Variants in SCNN1G observed in about 807,000 individuals in gnomAD.
SCNN1G encodes the protein epithelial sodium channel subunit gamma.
Under a neutral mutation model 64.6 loss-of-function variants are expected in SCNN1G, and 27 were observed. The ratio of observed to expected loss-of-function variants is 0.42; its 90% confidence interval spans 0.31 to 0.58. SCNN1G has a LOEUF of 0.58. SCNN1G is among the 20% of genes least tolerant of loss of function. The pLI is 0.18. For missense variants in SCNN1G, 743 were observed against 823.4 expected, an observed-to-expected ratio of 0.90 and a Z score of 1.19; for synonymous variants, 330 against 314.2, an observed-to-expected ratio of 1.05 and a Z score of -0.53.
chr16:23,194,134 G>T, intron 4 of SCNN1G, 37 bp from the exon 5 acceptor site: 1 of 1,407,664 alleles, frequency 7.1e-7, no homozygotes, highest in South Asian at 1.1e-5. Flanking sequence ...AGATGCATGG[G>T]GGAGATCCCT....
intron 6 of SCNN1G, among the ~76,000 whole-genome samples, chr16:23,209,349 A>G (rs1960041913): frequency 6.6e-6 from 1 of 152,192 alleles, no homozygotes; most frequent in Admixed American, 6.5e-5. Flanking sequence ...CTAAGCCAAC[A>G]GGTCCCTTTT....
At chr16:23,189,782 C>A in intron 3 of SCNN1G, 111 bp downstream of exon 3, 1 of 1,068,550 alleles carries the variant, frequency 9.4e-7, no homozygotes, top group Non-Finnish European at 1.5e-6. Flanking sequence ...AGAAATACAC[C>A]CAGCTGGGGT....
At position 23,189,609 on chromosome 16, in the gene SCNN1G, A is replaced by G. The variant is rs13306664; in HGVS notation, c.556A>G (p.Ile186Val). 1.2e-5 allele frequency: 20 copies of G among 1,614,120 alleles called. No individual in the cohort carries two copies. In the East Asian group the frequency reaches 1.3e-4, roughly 11 times the overall value. ...TGRKRKVGGSIIHKASNVMHI... is the reference protein window; with the variant it reads ...TGRKRKVGGSVIHKASNVMHI... Reference sequence around the variant, plus strand: ...GAGGAAGCGGAAAGTCGGCGGTAGCATCATTCACAAGGCTTCAAATGTCAT... The same window carrying G: ...GAGGAAGCGGAAAGTCGGCGGTAGCGTCATTCACAAGGCTTCAAATGTCAT... The change falls in exon 3 of 13, where the codon ATC becomes GTC. Residue 186 changes from isoleucine to valine, a missense_variant. Physicochemically the swap from Ile to Val is conservative, Grantham distance 29 (BLOSUM62 3). Transcript: ENST00000300061.
rs745746714 is a variant in SCNN1G at position 23,189,621 on chromosome 16, G to C, written c.568G>C (p.Ala190Pro). ...RKVGGSIIHK[A>P]SNVMHIESKQ... The stretch of plus-strand genomic sequence containing the variant: ...AGTCGGCGGTAGCATCATTCACAAG[G>C]CTTCAAATGTCATGCACATCGAGTC... Residue 190 changes from alanine (A) to proline (P), a missense_variant, in exon 3 of 13, where the codon GCT (alanine) becomes CCT (proline). Coordinates refer to ENST00000300061, the MANE Select transcript of SCNN1G (RefSeq NM_001039.4). 4 of 1,614,224 alleles carry C rather than the reference G, an allele frequency of 2.5e-6. No individual in the cohort carries two copies. Among genetic ancestry groups the C allele is most frequent in the South Asian group, 2.2e-5 (2 of 91,082 alleles).
intron 11 of SCNN1G, 97 bp from the exon 12 acceptor site, chr16:23,214,615 C>T: frequency 1.0e-6 from 1 of 952,654 alleles, no homozygotes; most frequent in Non-Finnish European, 1.7e-6. Flanking sequence ...GTGCCTTGGC[C>T]ATGCTGCCAG....
In SCNN1G at chr16:23,214,701, G is replaced by A; in HGVS notation, c.1494-11G>A. 6.2e-7 allele frequency: 1 copy of A among 1,611,572 alleles called. No homozygotes were observed. The highest frequency in any genetic ancestry group is 1.3e-5 in the African/African-American group (1 of 74,992). ...GCCAAGGCTCTTGATTCACCTGTTG[G>A]AATTTTGCAGGACAGACTTGGCCAA... On this transcript the variant is annotated splice_polypyrimidine_tract_variant and intron_variant, in intron 11 of 12. Transcript: ENST00000300061.
intron 12 of SCNN1G, 33 bp from the exon 13 acceptor site, chr16:23,215,055 TC>T: frequency 6.2e-7 from 1 of 1,613,686 alleles, no homozygotes; most frequent in Non-Finnish European, 8.5e-7. Flanking sequence ...GGGGGGAGGT[TC>T]CTCTTGATGG....
chr16:23,203,171 C>T (rs986662832), intron 6 of SCNN1G, among the ~76,000 whole-genome samples: 2 of 152,110 alleles, frequency 1.3e-5, no homozygotes, highest in South Asian at 4.1e-4. Flanking sequence ...CAAGTACAGT[C>T]GAGAGGTCAG....
At chr16:23,197,853 C>T (rs147328091) in intron 6 of SCNN1G, among the ~76,000 whole-genome samples, 2 of 149,910 alleles carry the variant, frequency 1.3e-5, no homozygotes, top group African/African-American at 2.5e-5. Context: ...GCACTCCAGC[C>T]GAGCAACAGA....
At chr16:23,209,554 A>G (rs1218904432) in intron 6 of SCNN1G, among the ~76,000 whole-genome samples, 196 bp from the exon 7 acceptor site, 1 of 152,136 alleles carries the variant, frequency 6.6e-6, no homozygotes. Context: ...ATCTATCTTG[A>G]TCATTGCTGA....
chr16:23,198,224 A>C (rs970530067), intron 6 of SCNN1G, among the ~76,000 whole-genome samples: 3 of 152,186 alleles, frequency 2.0e-5, no homozygotes, highest in Admixed American at 2.0e-4. Flanking sequence ...CACTGAGAAC[A>C]TGCAAACCTA....
intron 1 of SCNN1G, among the ~76,000 whole-genome samples, chr16:23,184,886 C>T (rs1450730552): frequency 6.6e-6 from 1 of 152,202 alleles, no homozygotes; most frequent in African/African-American, 2.4e-5. Flanking sequence ...TTGCCTTTGT[C>T]ACTGTAGAAG....
chr16:23,199,979 C>T (rs764711481), intron 6 of SCNN1G, among the ~76,000 whole-genome samples: 4 of 152,104 alleles, frequency 2.6e-5, no homozygotes, highest in Non-Finnish European at 5.9e-5. Flanking sequence ...CCCATAATGA[C>T]GTTTTTCTTT....
intron 6 of SCNN1G, among the ~76,000 whole-genome samples, chr16:23,206,971 G>C (rs75727452): frequency 6.6e-6 from 1 of 152,178 alleles, no homozygotes; most frequent in East Asian, 1.9e-4. Flanking sequence ...AGCTGGGGCC[G>C]AGGGAAGAGC....
chr16:23,215,630 G>A lies in SCNN1G; in HGVS notation c.*161G>A. 1.3e-6 allele frequency: 1 copy of A among 754,268 alleles called. No individual in the cohort carries two copies. Among genetic ancestry groups the A allele is most frequent in the Non-Finnish European group, 2.2e-6 (1 of 450,108 alleles). 46.7% of individuals were successfully genotyped at this position (754,268 alleles called of 1,614,324 possible). ...GCTTTAAACCGCAAGATGGGGCCTG[G>A]GCATGCGCAGGAGGAGCCATCGGGT... On this transcript the variant is annotated 3_prime_UTR_variant, in exon 13 of 13. Coordinates refer to ENST00000300061, the MANE Select transcript of SCNN1G (RefSeq NM_001039.4).
intron 11 of SCNN1G, among the ~76,000 whole-genome samples, chr16:23,214,231 A>T (rs1189253559): frequency 6.6e-6 from 1 of 152,186 alleles, no homozygotes; most frequent in Non-Finnish European, 1.5e-5. Flanking sequence ...AAATATACAT[A>T]CCTGCCTCAT....
intron 11 of SCNN1G, 63 bp downstream of exon 11, chr16:23,213,226 C>A: frequency 2.8e-6 from 3 of 1,079,364 alleles, no homozygotes; most frequent in Non-Finnish European, 4.3e-6. Context: ...TTCTCACTTG[C>A]TTCTGTATGT....
intron 6 of SCNN1G, among the ~76,000 whole-genome samples, chr16:23,206,918 T>C (rs1482059642): frequency 6.6e-6 from 1 of 152,134 alleles, no homozygotes; most frequent in Non-Finnish European, 1.5e-5. Flanking sequence ...GAAGTCAAAA[T>C]GTCTTCCTAG....
Sources: allele counts gnomAD v4.1 joint callset (sites outside exome capture counted in the v4.1 genomes callset), GRCh38; gene constraint gnomAD v4.1.1; transcripts MANE v1.5; gene names NCBI Gene and HGNC (gene_info 2026-07-23, HGNC 2026-07-21).